PTPRD: variants seen among roughly 807,000 people sequenced by gnomAD.
The protein encoded by PTPRD is receptor-type tyrosine-protein phosphatase delta.
In PTPRD, 34 loss-of-function variants were observed where a neutral mutation model predicts 214.5. The ratio of observed to expected loss-of-function variants is 0.16; its 90% CI spans 0.12 to 0.21. PTPRD has a LOEUF of 0.21. PTPRD is among the 10% of genes least tolerant of loss of function. The pLI, the probability that PTPRD is intolerant of heterozygous loss-of-function variation, is 1.00. For synonymous variants in PTPRD, 1,128 were observed against 845.7 expected (o/e 1.33, Z -5.79); for missense variants, 2,545 against 2,398.7 (o/e 1.06, Z -1.27).
intron 11 of PTPRD, among the ~76,000 whole-genome samples, chr9:8,921,420 C>T (rs1362927062): frequency 2.6e-5 from 4 of 152,120 alleles, no homozygotes; most frequent in East Asian, 1.9e-4. Context: ...TTCCCAGTAC[C>T]AGTTTCTGGA....
intron 9 of PTPRD, among the ~76,000 whole-genome samples, chr9:9,385,887 C>T (rs1277851709): frequency 1.3e-5 from 2 of 152,106 alleles, no homozygotes; most frequent in Admixed American, 6.6e-5. Flanking sequence ...CTAACTATGA[C>T]TCCAGTCTTA....
At chr9:8,563,132 G>C (rs1007486171) in intron 14 of PTPRD, among the ~76,000 whole-genome samples, 3 of 152,062 alleles carry the variant, frequency 2.0e-5, no homozygotes, top group African/African-American at 4.8e-5. Context: ...CTTGGCACAA[G>C]AGTATACACA....
intron 5 of PTPRD, among the ~76,000 whole-genome samples, chr9:9,816,212 C>T (rs947773466): frequency 3.3e-5 from 5 of 152,054 alleles, no homozygotes; most frequent in African/African-American, 1.2e-4. Context: ...AGACAATTTT[C>T]ATGTTTAAAG....
intron 9 of PTPRD, among the ~76,000 whole-genome samples, chr9:9,359,624 GT>G (rs1460766318): frequency 1.3e-5 from 2 of 151,200 alleles, no homozygotes; most frequent in African/African-American, 4.8e-5. Flanking sequence ...TGGAGATGTG[GT>G]ATGAAATCCT....
intron 37 of PTPRD, among the ~76,000 whole-genome samples, chr9:8,381,750 C>T (rs77699992): frequency 0.072 from 10,922 of 152,222 alleles, 509 homozygotes; most frequent in Non-Finnish European, 0.098. Flanking sequence ...TTCTAAACTG[C>T]TTATTAACTT....
At chr9:8,928,046 T>TA (rs2098916090) in intron 11 of PTPRD, among the ~76,000 whole-genome samples, 4 of 152,110 alleles carry the variant, frequency 2.6e-5, no homozygotes, top group Admixed American at 2.6e-4. Context: ...CACTTTTTGA[T>TA]GAGGTTGTCT....
intron 3 of PTPRD, among the ~76,000 whole-genome samples, chr9:10,199,068 T>C (rs995565440): frequency 7.9e-5 from 12 of 151,994 alleles, no homozygotes; most frequent in Non-Finnish European, 1.5e-4. Flanking sequence ...TTTTTTTTTT[T>C]CTTCAGGCTT....
At chr9:8,749,242 C>CA (rs2093261689) in intron 11 of PTPRD, among the ~76,000 whole-genome samples, 1 of 152,156 alleles carries the variant, frequency 6.6e-6, no homozygotes, top group South Asian at 2.1e-4. Flanking sequence ...AGTGCAGTGG[C>CA]ACCATCTCAG....
intron 39 of PTPRD, among the ~76,000 whole-genome samples, chr9:8,374,594 A>G (rs906989109): frequency 7.9e-5 from 12 of 152,158 alleles, no homozygotes; most frequent in Non-Finnish European, 1.2e-4. Context: ...CTTAGTTATC[A>G]GTACTTGAAG....
At chr9:10,334,045 T>C (rs1392384264) in intron 3 of PTPRD, among the ~76,000 whole-genome samples, 1 of 151,714 alleles carries the variant, frequency 6.6e-6, no homozygotes, top group African/African-American at 2.4e-5. Context: ...CAAGTATATA[T>C]AGTGGAAAGA....
intron 9 of PTPRD, among the ~76,000 whole-genome samples, chr9:9,288,343 C>G (rs1056354552): frequency 6.6e-6 from 1 of 151,808 alleles, no homozygotes; most frequent in African/African-American, 2.4e-5. Context: ...CTCCTCTACT[C>G]TGGACCTTTT....
chr9:8,763,170 C>G (rs930464066), intron 11 of PTPRD, among the ~76,000 whole-genome samples: 1 of 152,110 alleles, frequency 6.6e-6, no homozygotes, highest in East Asian at 1.9e-4. Flanking sequence ...TCTCTCTGTT[C>G]TCATTTGTTA....
Position 10,412,633 on chromosome 9 carries a change from A to AACAC in PTPRD, c.-599-71620_-599-71617dup, listed in dbSNP as rs150312961. ...ACACACGCACGCACACACACACACAAACACACACACACACACACACACACA... is the reference window on the plus strand; with the variant it reads ...ACACACGCACGCACACACACACACAAACACACACACACACACACACACACACACA... On this transcript the variant is annotated intron_variant, in intron 2 of 45. Coordinates refer to ENST00000381196, the MANE Select transcript of PTPRD (RefSeq NM_002839.4). Among the ~76,000 whole-genome samples the AACAC allele has an allele frequency of 3.1e-3, 459 of 147,838 alleles. 2 individuals carry two copies. The highest frequency in any genetic ancestry group is 0.011 in the African/African-American group (437 of 40,136).
At chr9:9,014,722 T>C (rs2154364910) in intron 11 of PTPRD, among the ~76,000 whole-genome samples, 1 of 152,282 alleles carries the variant, frequency 6.6e-6, no homozygotes, top group East Asian at 1.9e-4. Flanking sequence ...TGATGAAATG[T>C]ATTTCTAAAC....
chr9:9,033,754 T>C (rs1256592926), intron 10 of PTPRD, among the ~76,000 whole-genome samples: 1 of 152,084 alleles, frequency 6.6e-6, no homozygotes, highest in Non-Finnish European at 1.5e-5. Context: ...CCAGGTGGTC[T>C]CATTTAATGA....
intron 5 of PTPRD, among the ~76,000 whole-genome samples, chr9:9,835,641 A>G (rs137856544): frequency 1.0e-3 from 157 of 152,260 alleles, no homozygotes; most frequent in African/African-American, 3.4e-3. Context: ...ACAGAGTCTG[A>G]GTATGAAAAT....
intron 8 of PTPRD, among the ~76,000 whole-genome samples, chr9:9,448,766 C>A (rs2091275358): frequency 6.6e-6 from 1 of 151,864 alleles, no homozygotes; most frequent in Non-Finnish European, 1.5e-5. Flanking sequence ...TCAAAGAGAT[C>A]CAGGAAATTT....
chr9:8,879,042 C>A (rs189944478), intron 11 of PTPRD, among the ~76,000 whole-genome samples: 3 of 152,292 alleles, frequency 2.0e-5, no homozygotes, highest in Admixed American at 2.0e-4. Flanking sequence ...ACTTATTTTA[C>A]TCTGGGTGAG....
intron 14 of PTPRD, among the ~76,000 whole-genome samples, chr9:8,627,120 C>T (rs2096068625): frequency 6.6e-6 from 1 of 151,790 alleles, no homozygotes; most frequent in Non-Finnish European, 1.5e-5. Flanking sequence ...AGTGTATCAT[C>T]CATGTAGCAT....
Sources: allele counts gnomAD v4.1 joint callset (sites outside exome capture counted in the v4.1 genomes callset), GRCh38; gene constraint gnomAD v4.1.1; transcripts MANE v1.5; gene names NCBI Gene and HGNC (gene_info 2026-07-23, HGNC 2026-07-21).